Variants in CHSY3 observed in about 807,000 individuals in gnomAD.
CHSY3 encodes chondroitin sulfate synthase 3.
Under a neutral mutation model 67.2 loss-of-function variants are expected in CHSY3, and 35 were observed. The ratio of observed to expected loss-of-function variants is 0.52; its 90% CI spans 0.40 to 0.69. The LOEUF is 0.69. CHSY3 is among the 30% of genes least tolerant of loss of function. The pLI is 0.00. For missense variants in CHSY3, 1,069 were observed against 1,138.5 expected (o/e 0.94, Z 0.88); for synonymous variants, 474 against 434.7 (o/e 1.09, Z -1.12).
intron 2 of CHSY3, among the ~76,000 whole-genome samples, chr5:130,143,306 A>G (rs974181625): frequency 2.6e-5 from 4 of 152,096 alleles, no homozygotes; most frequent in Non-Finnish European, 5.9e-5. Flanking sequence ...ACAAGACATA[A>G]TATTGAATTT....
At chr5:130,018,930 G>A (rs1270506527) in intron 2 of CHSY3, among the ~76,000 whole-genome samples, 1 of 152,072 alleles carries the variant, frequency 6.6e-6, no homozygotes, top group African/African-American at 2.4e-5. Context: ...CCTCAGGCTT[G>A]ATCCCTCTGT....
chr5:130,085,797 C>T (rs1004337208), intron 2 of CHSY3, among the ~76,000 whole-genome samples: 1 of 152,086 alleles, frequency 6.6e-6, no homozygotes, highest in Non-Finnish European at 1.5e-5. Flanking sequence ...CCCAGAGATT[C>T]TAGTATGTTG....
chr5:130,058,762 G>T (rs1765617094), intron 2 of CHSY3, among the ~76,000 whole-genome samples: 1 of 152,222 alleles, frequency 6.6e-6, no homozygotes, highest in African/African-American at 2.4e-5. Flanking sequence ...GCAGAAATAT[G>T]TTCTCTTATT....
At chr5:130,055,490 T>G (rs1765502199) in intron 2 of CHSY3, among the ~76,000 whole-genome samples, 1 of 152,098 alleles carries the variant, frequency 6.6e-6, no homozygotes, top group African/African-American at 2.4e-5. Flanking sequence ...ATATTTTAAG[T>G]TCTTGGCTTT....
At position 130,162,273 on chromosome 5, in the gene CHSY3, T is replaced by G. The variant is rs117349481; in HGVS notation, c.1087-21956T>G. ...TACTGCACATTTAAATAATGTATGA[T>G]ATATAAATATATTTTAATGTTTTCA... On this transcript the variant is annotated intron_variant, in intron 2 of 2. Coordinates refer to ENST00000305031, the MANE Select transcript of CHSY3 (RefSeq NM_175856.5). 8.7e-4 allele frequency among the ~76,000 whole-genome samples: 132 copies of G among 152,216 alleles called. 1 individual carries two copies. In the East Asian group the frequency reaches 0.021, roughly 24 times the overall value.
chr5:130,140,672 G>A lies in CHSY3; in HGVS notation c.1087-43557G>A, dbSNP rs73788411. ...CATTGTTTAGAATGGAATCTCTGAC[G>A]TTAGGTCTACAGCCATAGCCACCCA... On this transcript the variant is annotated intron_variant, in intron 2 of 2. Coordinates refer to ENST00000305031, the MANE Select transcript of CHSY3 (RefSeq NM_175856.5). 45 of 343,580 alleles carry A rather than the reference G, an allele frequency of 1.3e-4. No homozygotes were observed. The South Asian group carries it at 2.2e-3, about 17-fold the overall frequency. 21.3% of individuals were successfully genotyped at this position (343,580 alleles called of 1,614,324 possible).
At chr5:130,081,821 T>A (rs1372587288) in intron 2 of CHSY3, among the ~76,000 whole-genome samples, 1 of 152,094 alleles carries the variant, frequency 6.6e-6, no homozygotes, top group Admixed American at 6.6e-5. Flanking sequence ...CTCTTTTTCT[T>A]TATAAATTAC....
At chr5:129,907,945 G>A (rs1364851862) in intron 1 of CHSY3, 132 bp from the exon 2 acceptor site, 1 of 1,426,476 alleles carries the variant, frequency 7.0e-7, no homozygotes, top group African/African-American at 1.4e-5. Context: ...ATTGGAAGAG[G>A]CTTTTTCTTC....
chr5:130,076,945 T>G (rs1580710024), intron 2 of CHSY3, among the ~76,000 whole-genome samples: 1 of 102,190 alleles, frequency 9.8e-6, no homozygotes, highest in Non-Finnish European at 2.0e-5. Flanking sequence ...TGGGGACTGT[T>G]GTGGGATGCG....
At chr5:130,030,168 A>G (rs1456858343) in intron 2 of CHSY3, among the ~76,000 whole-genome samples, 5 of 152,104 alleles carry the variant, frequency 3.3e-5, no homozygotes. Context: ...AATTTGAATT[A>G]TCTCACCTAA....
chr5:129,914,747 C>T (rs951394839), intron 2 of CHSY3, among the ~76,000 whole-genome samples: 5 of 152,126 alleles, frequency 3.3e-5, no homozygotes, highest in African/African-American at 1.2e-4. Context: ...ATATGGTAAG[C>T]GTTGTAGGCT....
chr5:130,151,590 C>T (rs770504522), intron 2 of CHSY3, among the ~76,000 whole-genome samples: 1 of 152,170 alleles, frequency 6.6e-6, no homozygotes, highest in Non-Finnish European at 1.5e-5. Context: ...AATTGACTTG[C>T]AGTTCAGCAC....
intron 2 of CHSY3, among the ~76,000 whole-genome samples, chr5:129,996,813 G>C (rs1427582569): frequency 6.6e-6 from 1 of 151,928 alleles, no homozygotes; most frequent in Non-Finnish European, 1.5e-5. Flanking sequence ...CTTTATAATA[G>C]CATTTATCAT....
chr5:130,053,835 T>A (rs1047847217), intron 2 of CHSY3, among the ~76,000 whole-genome samples: 5 of 152,138 alleles, frequency 3.3e-5, no homozygotes, highest in African/African-American at 1.2e-4. Context: ...TTAGGTGTAT[T>A]TTTCGTTATC....
At chr5:130,167,974 A>G (rs1013311774) in intron 2 of CHSY3, among the ~76,000 whole-genome samples, 1 of 152,008 alleles carries the variant, frequency 6.6e-6, no homozygotes, top group African/African-American at 2.4e-5. Context: ...CAAACCTGTG[A>G]CTCCAGAAAG....
At chr5:129,944,397 T>A (rs1021014045) in intron 2 of CHSY3, among the ~76,000 whole-genome samples, 2 of 150,090 alleles carry the variant, frequency 1.3e-5, no homozygotes, top group Admixed American at 6.6e-5. Context: ...ATTAACGAAT[T>A]TTTTTTTTTT....
At chr5:130,110,639 T>A (rs1296445075) in intron 2 of CHSY3, among the ~76,000 whole-genome samples, 1 of 151,986 alleles carries the variant, frequency 6.6e-6, no homozygotes, top group Non-Finnish European at 1.5e-5. Context: ...GCAGGTTTTT[T>A]TTCTAACTTA....
intron 2 of CHSY3, among the ~76,000 whole-genome samples, chr5:130,037,621 T>C (rs1387066740): frequency 6.6e-6 from 1 of 151,996 alleles, no homozygotes; most frequent in African/African-American, 2.4e-5. Flanking sequence ...TTGTCAGGAA[T>C]GAGATGGAGA....
At chr5:130,163,826 A>C (rs181360661) in intron 2 of CHSY3, among the ~76,000 whole-genome samples, 1 of 152,030 alleles carries the variant, frequency 6.6e-6, no homozygotes, top group Non-Finnish European at 1.5e-5. Flanking sequence ...ACACCAAACT[A>C]TGTGATATAT....
Sources: gnomAD v4.1 joint callset for allele counts (sites outside exome capture counted in the v4.1 genomes callset) on GRCh38, gnomAD v4.1.1 for gene constraint, MANE v1.5 for transcripts, NCBI Gene and HGNC (gene_info 2026-07-23, HGNC 2026-07-21) for gene names.